The following RARB variants were observed in gnomAD, a reference collection of about 807,000 sequenced individuals.
RARB encodes HBV-activated protein.
Under a neutral mutation model 51.9 loss-of-function variants are expected in RARB, and 17 were observed. That is an observed-to-expected ratio of 0.33 (90% CI 0.22 to 0.49). The LOEUF (loss-of-function observed/expected upper bound fraction) is 0.49. RARB is among the 20% of genes least tolerant of loss of function. The pLI is 0.99. For missense variants in RARB, 369 were observed against 550.8 expected (o/e 0.67, Z 3.30); for synonymous variants, 215 against 195.4 (o/e 1.10, Z -0.84).
At chr3:25,017,979 A>G (rs989179814) in intron 2 of RARB, among the ~76,000 whole-genome samples, 1 of 152,186 alleles carries the variant, frequency 6.6e-6, no homozygotes, top group Non-Finnish European at 1.5e-5. Context: ...ATGAGAAAGC[A>G]GCCCATCTCT....
At chr3:25,335,693 C>A (rs374994991) in intron 5 of RARB, among the ~76,000 whole-genome samples, 23 of 152,326 alleles carry the variant, frequency 1.5e-4, no homozygotes, top group African/African-American at 5.3e-4. Context: ...AATAACCCAA[C>A]CAAATTGCCA....
In RARB at chr3:25,203,094, T is replaced by C. The variant is rs1701439515; in HGVS notation, c.178+28519T>C. 3.9e-5 allele frequency among the ~76,000 whole-genome samples: 6 copies of C among 152,318 alleles called. No individual in the cohort carries two copies. In the South Asian group the frequency reaches 1.2e-3, roughly 32 times the overall value. On this transcript the variant is annotated intron_variant, in intron 5 of 11. Coordinates refer to the RARB transcript ENST00000383772. ...GTCTCTTTGTAGGTCTCTAAGGACT[T>C]GCTTTATGAATCTAGGTGCTCCTGT...
At chr3:25,421,300 C>G (rs888923500) in intron 5 of RARB, among the ~76,000 whole-genome samples, 3 of 151,250 alleles carry the variant, frequency 2.0e-5, no homozygotes, top group Non-Finnish European at 4.4e-5. Context: ...ACTACTCTGA[C>G]AGAAGATTCT....
At chr3:25,508,534 A>T (rs972878996) in intron 3 of RARB, among the ~76,000 whole-genome samples, 1 of 152,248 alleles carries the variant, frequency 6.6e-6, no homozygotes, top group African/African-American at 2.4e-5. Context: ...AGGGAAATTC[A>T]TATTGTAGGT....
At chr3:25,359,188 G>A (rs1266483895) in intron 5 of RARB, among the ~76,000 whole-genome samples, 4 of 151,896 alleles carry the variant, frequency 2.6e-5, no homozygotes, top group Non-Finnish European at 2.9e-5. Context: ...GGGATTCGAC[G>A]TCTTCCTGGT....
At chr3:25,159,190 T>C in intron 4 of RARB, among the ~76,000 whole-genome samples, 1 of 126,750 alleles carries the variant, frequency 7.9e-6, no homozygotes, top group East Asian at 2.4e-4. Flanking sequence ...TGAGATGGAG[T>C]TTTGCTTTTG....
At chr3:24,988,400 T>C (rs1696839541) in intron 2 of RARB, among the ~76,000 whole-genome samples, 1 of 152,194 alleles carries the variant, frequency 6.6e-6, no homozygotes, top group African/African-American at 2.4e-5. Flanking sequence ...TTACAAAGTA[T>C]TCAAAAAAAT....
intron 2 of RARB, among the ~76,000 whole-genome samples, chr3:24,995,009 T>G (rs1358307753): frequency 6.6e-6 from 1 of 152,156 alleles, no homozygotes; most frequent in Non-Finnish European, 1.5e-5. Context: ...TAGGATATTT[T>G]TTCTATTTCT....
chr3:25,305,757 C>A (rs1704139472), intron 5 of RARB, among the ~76,000 whole-genome samples: 1 of 152,068 alleles, frequency 6.6e-6, no homozygotes, highest in South Asian at 2.1e-4. Flanking sequence ...ACAAAAATTT[C>A]TTCAAAAAGG....
At chr3:24,971,765 G>T (rs1696402985) in intron 2 of RARB, among the ~76,000 whole-genome samples, 2 of 151,900 alleles carry the variant, frequency 1.3e-5, no homozygotes, top group Admixed American at 1.3e-4. Flanking sequence ...TGGCTATTTG[G>T]TGTATAAAAT....
intron 2 of RARB, among the ~76,000 whole-genome samples, chr3:24,923,126 C>T (rs182430851): frequency 2.6e-5 from 4 of 152,256 alleles, no homozygotes; most frequent in Non-Finnish European, 5.9e-5. Flanking sequence ...TTTGAGCTAT[C>T]CATTTAGCAC....
intron 2 of RARB, among the ~76,000 whole-genome samples, chr3:24,869,802 T>G (rs895443622): frequency 1.3e-5 from 2 of 152,130 alleles, no homozygotes; most frequent in Non-Finnish European, 2.9e-5. Context: ...AGCAACACTC[T>G]TGAATTTTGT....
intron 4 of RARB, among the ~76,000 whole-genome samples, chr3:25,577,977 G>A (rs1438447810): frequency 6.6e-6 from 1 of 152,258 alleles, no homozygotes; most frequent in African/African-American, 2.4e-5. Context: ...GTCGGCAGCA[G>A]ATGGAGGAGA....
intron 2 of RARB, among the ~76,000 whole-genome samples, chr3:25,030,683 T>C (rs1312491379): frequency 1.3e-5 from 2 of 152,282 alleles, no homozygotes; most frequent in East Asian, 3.9e-4. Flanking sequence ...TTTGAGGAAA[T>C]CTTGCATCTT....
intron 5 of RARB, among the ~76,000 whole-genome samples, chr3:25,187,686 A>G (rs537184709): frequency 1.1e-3 from 163 of 152,246 alleles, no homozygotes; most frequent in Admixed American, 2.4e-3. Flanking sequence ...GCACAGATTT[A>G]AAAGATTTCT....
intron 5 of RARB, among the ~76,000 whole-genome samples, chr3:25,375,374 C>T (rs79160865): frequency 0.035 from 5,305 of 152,264 alleles, 121 homozygotes; most frequent in Middle Eastern, 0.065. Context: ...AGCCATCAAT[C>T]CCTAACTCTG....
chr3:25,424,554 A>T (rs1344485241), upstream of RARB, among the ~76,000 whole-genome samples: 1 of 152,196 alleles, frequency 6.6e-6, no homozygotes, highest in Non-Finnish European at 1.5e-5. Context: ...GGGAAAAAAA[A>T]TTAAAAAACA....
chr3:25,155,015 A>G (rs1700351541), intron 4 of RARB, among the ~76,000 whole-genome samples: 1 of 152,182 alleles, frequency 6.6e-6, no homozygotes, highest in African/African-American at 2.4e-5. Context: ...AATTCATTCA[A>G]TCACTTGTTA....
chr3:25,089,872 GAGAA>G (rs1370080982), intron 3 of RARB, among the ~76,000 whole-genome samples: 1 of 152,074 alleles, frequency 6.6e-6, no homozygotes, highest in Non-Finnish European at 1.5e-5. Flanking sequence ...TTGAAATTAA[GAGAA>G]AGACAGTTCC....
Sources: gnomAD v4.1 joint callset for allele counts (sites outside exome capture counted in the v4.1 genomes callset) on GRCh38, gnomAD v4.1.1 for gene constraint, MANE v1.5 for transcripts, NCBI Gene and HGNC (gene_info 2026-07-23, HGNC 2026-07-21) for gene names.